The following NR3C1 variants were observed in gnomAD, a reference collection of about 807,000 sequenced individuals.
NR3C1 encodes the protein nuclear receptor subfamily 3 group C member 1, also known as glucocorticoid receptor.
NR3C1 carries 14 observed loss-of-function variants against 74.0 expected under a neutral mutation model. The observed-to-expected ratio is 0.19, with a 90% confidence interval of 0.12 to 0.30. NR3C1 has a LOEUF of 0.30. NR3C1 is among the 10% of genes least tolerant of loss of function. The probability of loss-of-function intolerance (pLI) is 1.00; values close to 1 mark genes in which losing one functional copy is unlikely to be tolerated. For missense variants in NR3C1, 695 were observed against 909.8 expected (o/e 0.76, Z 3.04); for synonymous variants, 308 against 332.5 (o/e 0.93, Z 0.80).
chr5:143,298,520 C>G (rs754717499), intron 6 of NR3C1, 148 bp downstream of exon 6: 2 of 795,188 alleles, frequency 2.5e-6, no homozygotes, highest in Non-Finnish European at 4.2e-6. Context: ...CCCAAGCACT[C>G]ATAACTCTAT....
intron 2 of NR3C1, among the ~76,000 whole-genome samples, chr5:143,371,774 AAG>A (rs1834277232): frequency 6.6e-6 from 1 of 152,242 alleles, no homozygotes; most frequent in Non-Finnish European, 1.5e-5. Flanking sequence ...TGTAAATACT[AAG>A]AGTTCTGTGT....
At chr5:143,404,378 T>C (rs918454742), upstream of NR3C1, 1 of 983,672 alleles carries the variant, frequency 1.0e-6, no homozygotes, top group Non-Finnish European at 1.2e-6. Flanking sequence ...ATACGTACTT[T>C]GGGCCCGGGG....
intron 2 of NR3C1, among the ~76,000 whole-genome samples, chr5:143,354,262 A>G (rs1830720980): frequency 6.6e-6 from 1 of 152,238 alleles, no homozygotes; most frequent in Admixed American, 6.5e-5. Context: ...CTGATCATTC[A>G]CATGTTTGCT....
chr5:143,427,306 T>C (rs1034312250), intron 1 of NR3C1, among the ~76,000 whole-genome samples: 13 of 152,216 alleles, frequency 8.5e-5, no homozygotes, highest in African/African-American at 3.1e-4. Context: ...TGAAGCAGTC[T>C]GTGGTCTTAG....
intron 2 of NR3C1, among the ~76,000 whole-genome samples, chr5:143,343,966 T>C (rs938708299): frequency 6.6e-6 from 1 of 152,204 alleles, no homozygotes; most frequent in Non-Finnish European, 1.5e-5. Flanking sequence ...AAAAGAATAT[T>C]AGTATTAACA....
At chr5:143,284,158 C>T (rs891779671) in intron 7 of NR3C1, among the ~76,000 whole-genome samples, 6 of 152,050 alleles carry the variant, frequency 3.9e-5, no homozygotes, top group African/African-American at 1.4e-4. Context: ...CAGCTCACTG[C>T]CACTTCCGCC....
At chr5:143,435,450 G>C in exon 1 of NR3C1, 1 of 985,452 alleles carries the variant, frequency 1.0e-6, no homozygotes, top group Non-Finnish European at 1.2e-6. Context: ...GAGGGCGAGA[G>C]GGAGCAAGAG....
chr5:143,381,868 A>G (rs1383790226), intron 2 of NR3C1, among the ~76,000 whole-genome samples: 1 of 152,248 alleles, frequency 6.6e-6, no homozygotes, highest in Non-Finnish European at 1.5e-5. Context: ...TGGTATGGGC[A>G]AAGATTTCTT....
chr5:143,404,044 C>T, upstream of NR3C1: 1 of 985,580 alleles, frequency 1.0e-6, no homozygotes, highest in South Asian at 4.7e-5. Context: ...TCTTTTCTCG[C>T]TACCTCCTTC....
chr5:143,432,389 C>A (rs1751873125), intron 1 of NR3C1, among the ~76,000 whole-genome samples: 1 of 152,096 alleles, frequency 6.6e-6, no homozygotes, highest in Admixed American at 6.6e-5. Flanking sequence ...ACTGTGGTGG[C>A]AACGGGGATG....
intron 6 of NR3C1, 78 bp downstream of exon 6, chr5:143,298,590 A>G: frequency 6.8e-7 from 1 of 1,460,316 alleles, no homozygotes; most frequent in African/African-American, 1.4e-5. Flanking sequence ...AATTATCACA[A>G]TAGCAGTCAA....
chr5:143,327,097 G>A (rs1221334471), intron 2 of NR3C1, among the ~76,000 whole-genome samples: 1 of 152,102 alleles, frequency 6.6e-6, no homozygotes, highest in Non-Finnish European at 1.5e-5. Flanking sequence ...TACTATCTGA[G>A]ACTGGGTAAT....
upstream of NR3C1, chr5:143,405,445 GC>G: frequency 1.3e-6 from 1 of 757,452 alleles, no homozygotes; most frequent in Non-Finnish European, 1.6e-6. Context: ...GTACAGTGTC[GC>G]CAGCCCGTCC....
At chr5:143,340,632 G>T (rs576384701) in intron 2 of NR3C1, among the ~76,000 whole-genome samples, 1 of 151,576 alleles carries the variant, frequency 6.6e-6, no homozygotes, top group South Asian at 2.1e-4. Context: ...ACAGGTGCGC[G>T]CCACCACGCC....
chr5:143,434,618 G>C, exon 1 of NR3C1: 1 of 985,368 alleles, frequency 1.0e-6, no homozygotes, highest in Non-Finnish European at 1.2e-6. Context: ...TGTTATTAAG[G>C]TACAACTAAA....
chr5:143,305,142 A>C (rs1819304169), intron 4 of NR3C1, among the ~76,000 whole-genome samples: 1 of 152,220 alleles, frequency 6.6e-6, no homozygotes, highest in Non-Finnish European at 1.5e-5. Context: ...CAAAGCCCTA[A>C]TATCCAGAGT....
At chr5:143,434,596 G>A (rs1752027100) in exon 1 of NR3C1, 1 of 985,332 alleles carries the variant, frequency 1.0e-6, no homozygotes, top group African/African-American at 1.7e-5. Context: ...GAGCCAGGCA[G>A]ATGAAAATTC....
chr5:143,305,004 A>G (rs1819275660), intron 4 of NR3C1, among the ~76,000 whole-genome samples: 1 of 152,214 alleles, frequency 6.6e-6, no homozygotes, highest in Non-Finnish European at 1.5e-5. Flanking sequence ...ATTTATGACT[A>G]ATCCCCAAAA....
chr5:143,287,029 T>C (rs544475036), intron 7 of NR3C1, among the ~76,000 whole-genome samples: 26 of 151,746 alleles, frequency 1.7e-4, no homozygotes, highest in Non-Finnish European at 2.2e-4. Flanking sequence ...ATGAAGGACA[T>C]TAGAAAATGA....
Sources: gnomAD v4.1 joint callset for allele counts (sites outside exome capture counted in the v4.1 genomes callset) on GRCh38, gnomAD v4.1.1 for gene constraint, MANE v1.5 for transcripts, NCBI Gene and HGNC (gene_info 2026-07-23, HGNC 2026-07-21) for gene names.